SLC25A21: variants seen among roughly 807,000 people sequenced by gnomAD.
SLC25A21 encodes solute carrier family 25 member 21.
SLC25A21 carries 47 observed loss-of-function variants against 43.8 expected under a neutral mutation model. The observed-to-expected ratio is 1.07, with a 90% CI of 0.85 to 1.37. The LOEUF (loss-of-function observed/expected upper bound fraction) is 1.37. SLC25A21 is among the 40% of genes most tolerant of loss of function. The pLI is 0.00. For missense variants in SLC25A21, 352 were observed against 350.2 expected, an observed-to-expected ratio of 1.00 and a Z score of -0.04; for synonymous variants, 131 against 121.3, an observed-to-expected ratio of 1.08 and a Z score of -0.52.
intron 1 of SLC25A21, among the ~76,000 whole-genome samples, chr14:37,016,388 T>C (rs955405613): frequency 6.6e-6 from 1 of 152,156 alleles, no homozygotes; most frequent in Non-Finnish European, 1.5e-5. Flanking sequence ...CTCTGTTCTG[T>C]TCTGTTGATC....
chr14:36,808,213 T>C (rs1052665687), intron 3 of SLC25A21, among the ~76,000 whole-genome samples: 3 of 152,222 alleles, frequency 2.0e-5, no homozygotes, highest in African/African-American at 7.2e-5. Context: ...CCTAGTTATT[T>C]GCCTTGAGCA....
chr14:37,007,843 A>C (rs2138734340), intron 1 of SLC25A21, among the ~76,000 whole-genome samples: 1 of 152,220 alleles, frequency 6.6e-6, no homozygotes, highest in South Asian at 2.1e-4. Context: ...AGGATTCTGC[A>C]TTTACTTCTG....
At chr14:37,096,368 T>G (rs772237435) in intron 1 of SLC25A21, among the ~76,000 whole-genome samples, 3 of 152,190 alleles carry the variant, frequency 2.0e-5, no homozygotes, top group Non-Finnish European at 4.4e-5. Flanking sequence ...ATCTGCTTCG[T>G]ATTCTTTTAC....
intron 1 of SLC25A21, among the ~76,000 whole-genome samples, chr14:37,043,586 C>T (rs932532933): frequency 2.6e-5 from 4 of 152,120 alleles, no homozygotes; most frequent in Non-Finnish European, 4.4e-5. Flanking sequence ...TTTGGGCTAC[C>T]ATCTTGCAGG....
At position 36,700,060 on chromosome 14, in the gene SLC25A21, T is replaced by C. The variant is rs569182580; in HGVS notation, c.603+11258A>G. On this transcript the variant is annotated intron_variant, in intron 7 of 9. Coordinates refer to ENST00000331299, the MANE Select transcript of SLC25A21 (RefSeq NM_030631.4). ...CAATGGGAGTGCAGACTGGAGCTGT[T>C]CCTATTCGGCCATCTTGGAACACCC... is the stretch of plus-strand genomic sequence containing the variant. Among the ~76,000 whole-genome samples the C allele has an allele frequency of 5.9e-5, 9 of 152,244 alleles. No individual in the cohort carries two copies. In the South Asian group the frequency reaches 1.7e-3, roughly 28 times the overall value.
At chr14:37,151,952 T>C (rs1480358299) in intron 1 of SLC25A21, among the ~76,000 whole-genome samples, 1 of 152,052 alleles carries the variant, frequency 6.6e-6, no homozygotes, top group Admixed American at 6.6e-5. Context: ...AGAGAGACGC[T>C]TGAACCCAGG....
intron 1 of SLC25A21, among the ~76,000 whole-genome samples, chr14:37,094,807 G>A (rs1432544565): frequency 6.6e-6 from 1 of 151,808 alleles, no homozygotes; most frequent in East Asian, 1.9e-4. Context: ...ATGGTATATG[G>A]TATACAGAAT....
chr14:36,918,776 C>A (rs943080839), intron 1 of SLC25A21, among the ~76,000 whole-genome samples: 2 of 151,892 alleles, frequency 1.3e-5, no homozygotes, highest in African/African-American at 2.4e-5. Flanking sequence ...ATCTTTATTA[C>A]CTTTAAAAAT....
At chr14:37,019,703 C>A (rs1960942489) in intron 1 of SLC25A21, among the ~76,000 whole-genome samples, 1 of 151,590 alleles carries the variant, frequency 6.6e-6, no homozygotes, top group African/African-American at 2.4e-5. Flanking sequence ...CAGGAGACTG[C>A]GAGAGGTATT....
intron 1 of SLC25A21, among the ~76,000 whole-genome samples, chr14:37,166,437 A>G (rs950160370): frequency 6.6e-6 from 1 of 152,090 alleles, no homozygotes; most frequent in African/African-American, 2.4e-5. Flanking sequence ...CGTCTTTCCA[A>G]CTCCTATAGA....
At chr14:36,891,746 T>C (rs1434180053) in intron 1 of SLC25A21, among the ~76,000 whole-genome samples, 1 of 152,134 alleles carries the variant, frequency 6.6e-6, no homozygotes, top group African/African-American at 2.4e-5. Flanking sequence ...GCAGAGCGCG[T>C]AAGACTATGA....
At chr14:37,128,255 C>A (rs1963330264) in intron 1 of SLC25A21, among the ~76,000 whole-genome samples, 1 of 152,160 alleles carries the variant, frequency 6.6e-6, no homozygotes, top group African/African-American at 2.4e-5. Flanking sequence ...AGAATAAATT[C>A]TCCCTTAGTG....
intron 3 of SLC25A21, among the ~76,000 whole-genome samples, chr14:36,749,083 C>G (rs1355402710): frequency 6.6e-6 from 1 of 152,182 alleles, no homozygotes; most frequent in Non-Finnish European, 1.5e-5. Context: ...TCAAATAAGG[C>G]AGATGCCAAA....
At chr14:36,731,767 T>C (rs1343496317) in intron 4 of SLC25A21, among the ~76,000 whole-genome samples, 3 of 152,002 alleles carry the variant, frequency 2.0e-5, no homozygotes, top group Non-Finnish European at 1.5e-5. Flanking sequence ...ACTTGAGGGG[T>C]CCCTCTACAG....
At chr14:36,867,310 A>G (rs1890239690) in intron 2 of SLC25A21, among the ~76,000 whole-genome samples, 1 of 152,156 alleles carries the variant, frequency 6.6e-6, no homozygotes, top group African/African-American at 2.4e-5. Context: ...CCCTTTTTCA[A>G]TGAAGACGAC....
At chr14:37,161,519 A>G (rs1963940293) in intron 1 of SLC25A21, among the ~76,000 whole-genome samples, 2 of 152,130 alleles carry the variant, frequency 1.3e-5, no homozygotes, top group Admixed American at 1.3e-4. Context: ...TGAAGTTTTA[A>G]CTCCTGGTAC....
intron 1 of SLC25A21, among the ~76,000 whole-genome samples, chr14:37,046,907 A>G (rs557201787): frequency 1.3e-5 from 2 of 152,302 alleles, no homozygotes; most frequent in African/African-American, 2.4e-5. Context: ...CCTTCTCCCC[A>G]AAGATCCTCT....
At chr14:36,788,658 A>G (rs572856585) in intron 3 of SLC25A21, 1 of 151,540 alleles carries the variant, frequency 6.6e-6, no homozygotes, top group South Asian at 2.1e-4. Context: ...TTGATTTCAC[A>G]ACCAGCTAAG....
At chr14:36,742,046 G>A (rs1359771053) in intron 3 of SLC25A21, among the ~76,000 whole-genome samples, 1 of 152,042 alleles carries the variant, frequency 6.6e-6, no homozygotes, top group Non-Finnish European at 1.5e-5. Context: ...CAGGCTTCAG[G>A]CATCCTCCTG....
Sources: allele counts gnomAD v4.1 joint callset (sites outside exome capture counted in the v4.1 genomes callset), GRCh38; gene constraint gnomAD v4.1.1; transcripts MANE v1.5; gene names NCBI Gene and HGNC (gene_info 2026-07-23, HGNC 2026-07-21).